The following COL14A1 variants were observed in gnomAD, a reference collection of about 807,000 sequenced individuals.
The protein encoded by COL14A1 is collagen alpha-1(XIV) chain.
Under a neutral mutation model 230.3 loss-of-function variants are expected in COL14A1, and 136 were observed. The observed-to-expected ratio is 0.59, with a 90% confidence interval of 0.51 to 0.68. The LOEUF is 0.68. Among genes scored for constraint, COL14A1 ranks in the 30% least tolerant of loss-of-function variants. The probability of loss-of-function intolerance (pLI) is 0.00; values close to 1 mark genes in which losing one functional copy is unlikely to be tolerated. For missense variants in COL14A1, 1,976 were observed against 2,215.8 expected (o/e 0.89, Z 2.17); for synonymous variants, 792 against 784.1 (o/e 1.01, Z -0.17).
intron 5 of COL14A1, among the ~76,000 whole-genome samples, chr8:120,188,209 A>G (rs188219290): frequency 6.6e-6 from 1 of 151,816 alleles, no homozygotes; most frequent in African/African-American, 2.4e-5. Context: ...CAACCTCCCG[A>G]GTAGATGGAA....
Position 120,369,344 on chromosome 8 carries a change from A to C in COL14A1, c.5170A>C (p.Ser1724Arg), listed in dbSNP as rs764134215. Residue 1724 changes from serine to arginine, a missense_variant, in exon 47 of 48, where the codon AGT becomes CGT. This residue lies in a region of COL14A1 where 1,791 missense variants were observed against 2,019.5 expected (regional missense o/e 0.89). Coordinates refer to ENST00000297848, the MANE Select transcript of COL14A1 (RefSeq NM_021110.4). ...PPGPAGPSGE[S>R]RPGSPGPPGS... ...GTACTTCTTAGGACCTTCAGGGGAG[A>C]GTCGGCCTGGCAGCCCTGGGCCCCC... 1.3e-6 allele frequency: 2 copies of C among 1,589,398 alleles called. No individual in the cohort carries two copies. Among genetic ancestry groups the C allele is most frequent in the Non-Finnish European group, 1.7e-6 (2 of 1,168,610 alleles).
intron 25 of COL14A1, among the ~76,000 whole-genome samples, chr8:120,269,349 TG>T (rs1819589735): frequency 6.6e-6 from 1 of 151,836 alleles, no homozygotes; most frequent in African/African-American, 2.4e-5. Context: ...TAGTTTGCTT[TG>T]TTTAATTCTT....
chr8:120,222,406 A>G (rs372252255), intron 14 of COL14A1, among the ~76,000 whole-genome samples: 2 of 152,366 alleles, frequency 1.3e-5, no homozygotes, highest in East Asian at 3.9e-4. Context: ...CAGCAGGGAC[A>G]GCTGGGCTCT....
At chr8:120,201,936 A>C (rs541294394) in intron 8 of COL14A1, among the ~76,000 whole-genome samples, 2 of 152,176 alleles carry the variant, frequency 1.3e-5, no homozygotes, top group Non-Finnish European at 2.9e-5. Flanking sequence ...TATTTTTCCC[A>C]GAATATTTCT....
At chr8:120,317,665 T>C (rs1554623012) in intron 40 of COL14A1, among the ~76,000 whole-genome samples, 1 of 152,236 alleles carries the variant, frequency 6.6e-6, no homozygotes, top group Non-Finnish European at 1.5e-5. Context: ...AGTCCAATCT[T>C]GGCAAAGAAC....
In COL14A1 at chr8:120,182,726, G is replaced by GGTTTTT. The variant is rs1554603200; in HGVS notation, c.437-14065_437-14064insGTTTTT. Among the ~76,000 whole-genome samples, 279 of 128,970 alleles carry GGTTTTT rather than the reference G, an allele frequency of 2.2e-3. 23 individuals carry two copies. Among genetic ancestry groups the GGTTTTT allele is most frequent in the African/African-American group, 2.8e-3 (97 of 34,974 alleles). The allele number at this position is 128,970 out of a possible 152,430, so 84.6% of individuals were successfully genotyped here. A position where few individuals can be genotyped will look rare whatever the true frequency, so the allele number is the denominator to read the frequency against. ...AACTTAATTTTTTTTATTTTTCTTC[G>GGTTTTT]TTTTTTTTTTTTTTTTTTGAGGTGG... On this transcript the variant is annotated intron_variant, in intron 5 of 47. Transcript: ENST00000297848.
intron 44 of COL14A1, among the ~76,000 whole-genome samples, chr8:120,344,798 T>G (rs1397558786): frequency 6.6e-6 from 1 of 152,212 alleles, no homozygotes; most frequent in Admixed American, 6.5e-5. Flanking sequence ...TATATCTGTA[T>G]ATATATTTTC....
At chr8:120,155,812 C>A (rs888245838) in intron 2 of COL14A1, among the ~76,000 whole-genome samples, 2 of 152,262 alleles carry the variant, frequency 1.3e-5, no homozygotes, top group African/African-American at 2.4e-5. Context: ...ATTTTCTTCT[C>A]AAGTTGATGA....
chr8:120,357,781 T>C (rs146614017), intron 45 of COL14A1, among the ~76,000 whole-genome samples: 1 of 152,320 alleles, frequency 6.6e-6, no homozygotes, highest in African/African-American at 2.4e-5. Flanking sequence ...ATGTTTGTTT[T>C]TCTCTCCTGT....
At chr8:120,228,202 A>G (rs1395821776) in intron 17 of COL14A1, among the ~76,000 whole-genome samples, 1 of 152,190 alleles carries the variant, frequency 6.6e-6, no homozygotes, top group Admixed American at 6.5e-5. Flanking sequence ...TTCCAGCACC[A>G]AGTGGATTGG....
rs556599408 is a variant in COL14A1, at chr8:120,313,810, A to G, written c.4456-122A>G. The G allele has an allele frequency of 4.8e-6, 3 of 621,408 alleles. No individual in the cohort carries two copies. In the East Asian group the frequency reaches 8.4e-5, roughly 17 times the overall value. The allele number at this position is 621,408 out of a possible 1,614,324, so 38.5% of individuals were successfully genotyped here. On this transcript the variant is annotated intron_variant, in intron 37 of 47. Transcript: ENST00000297848. ...GGCTTGATGTCTTGCTATCCTGAGT[A>G]TTTCCTATCTTAAGAAAAACTATAT...
At chr8:120,355,551 T>C (rs926430612) in intron 45 of COL14A1, among the ~76,000 whole-genome samples, 1 of 151,962 alleles carries the variant, frequency 6.6e-6, no homozygotes, top group Non-Finnish European at 1.5e-5. Context: ...TAGCTGGGAC[T>C]ACAGGCAGGC....
At chr8:120,368,508 C>T (rs1453611891) in intron 46 of COL14A1, among the ~76,000 whole-genome samples, 1 of 151,232 alleles carries the variant, frequency 6.6e-6, no homozygotes, top group Non-Finnish European at 1.5e-5. Context: ...ATACTTGTTC[C>T]TACTTTTCAT....
chr8:120,147,832 C>A lies in COL14A1; in HGVS notation c.-11C>A, dbSNP rs375533355. 3.7e-6 allele frequency: 6 copies of A among 1,609,194 alleles called. No homozygotes were observed. Among genetic ancestry groups the A allele is most frequent in the Non-Finnish European group, 5.1e-6 (6 of 1,177,388 alleles). ...TGGCTGCTACACCCCATGTAAAAAGCGGAAAATAAAATGAAGATTTTCCAG... is the reference window on the plus strand; with the variant it reads ...TGGCTGCTACACCCCATGTAAAAAGAGGAAAATAAAATGAAGATTTTCCAG... On this transcript the variant is annotated 5_prime_UTR_variant, in exon 2 of 48. Coordinates refer to ENST00000297848, the MANE Select transcript of COL14A1 (RefSeq NM_021110.4).
intron 31 of COL14A1, 140 bp from the exon 32 acceptor site, chr8:120,283,496 A>G: frequency 1.3e-6 from 1 of 778,040 alleles, no homozygotes; most frequent in Non-Finnish European, 2.1e-6. Context: ...AATTAGATCA[A>G]CAGTGATCTA....
intron 8 of COL14A1, 61 bp from the exon 9 acceptor site, chr8:120,203,648 G>T (rs766681978): frequency 1.9e-6 from 3 of 1,550,422 alleles, no homozygotes; most frequent in South Asian, 2.4e-5. Flanking sequence ...CAGGCCCACC[G>T]CAGTCACTCT....
intron 22 of COL14A1, among the ~76,000 whole-genome samples, chr8:120,254,821 C>CAAAAA (rs59681431): frequency 7.5e-5 from 7 of 93,592 alleles, no homozygotes; most frequent in East Asian, 2.9e-4. Flanking sequence ...ACTGCCTCTA[C>CAAAAA]AAAAAAAAAA....
intron 24 of COL14A1, among the ~76,000 whole-genome samples, chr8:120,265,952 T>A (rs1819489428): frequency 6.6e-6 from 1 of 152,080 alleles, no homozygotes; most frequent in African/African-American, 2.4e-5. Context: ...TCTAGCTATT[T>A]GGTGCTTAGT....
At chr8:120,321,379 G>A (rs544727407) in intron 40 of COL14A1, among the ~76,000 whole-genome samples, 1 of 152,090 alleles carries the variant, frequency 6.6e-6, no homozygotes, top group Non-Finnish European at 1.5e-5. Context: ...GGTGGCTCAC[G>A]CCTATAATCC....
Sources: allele counts gnomAD v4.1 joint callset (sites outside exome capture counted in the v4.1 genomes callset), GRCh38; gene constraint gnomAD v4.1.1; regional missense constraint gnomAD v4.1.1; transcripts MANE v1.5; gene names NCBI Gene and HGNC (gene_info 2026-07-23, HGNC 2026-07-21).